RUBCNL: variants seen among roughly 807,000 people sequenced by gnomAD.
The protein encoded by RUBCNL is rubicon like autophagy enhancer, also known as protein associated with UVRAG as autophagy enhancer.
Under a neutral mutation model 69.5 loss-of-function variants are expected in RUBCNL, and 62 were observed. That is an observed-to-expected ratio of 0.89 (90% CI 0.73 to 1.10). The LOEUF (loss-of-function observed/expected upper bound fraction) is 1.10. Among genes scored for constraint, RUBCNL ranks in the 50% least tolerant of loss-of-function variants. The pLI is 0.00. For synonymous variants in RUBCNL, 291 were observed against 303.6 expected (o/e 0.96, Z 0.43); for missense variants, 768 against 798.1 (o/e 0.96, Z 0.45).
chr13:46,348,429 A>C (rs912510218), intron 12 of RUBCNL, among the ~76,000 whole-genome samples: 1 of 152,118 alleles, frequency 6.6e-6, no homozygotes, highest in African/African-American at 2.4e-5. Flanking sequence ...CATTCTTCTT[A>C]ATGAGTTAAA....
chr13:46,359,204 C>A (rs1205161850), intron 9 of RUBCNL, among the ~76,000 whole-genome samples: 2 of 151,834 alleles, frequency 1.3e-5, no homozygotes, highest in African/African-American at 4.8e-5. Context: ...CCCCTTTAAG[C>A]CTATTTAATT....
At chr13:46,384,039 C>T (rs1007250207) in intron 1 of RUBCNL, among the ~76,000 whole-genome samples, 2 of 152,160 alleles carry the variant, frequency 1.3e-5, no homozygotes, top group African/African-American at 2.4e-5. Context: ...CTTGGCAATG[C>T]TAATGACATT....
Position 46,337,831 on chromosome 13 carries a change from A to G in RUBCNL, c.*5554T>C, listed in dbSNP as rs2048113726. On this transcript the variant is annotated 3_prime_UTR_variant, in exon 15 of 15. Transcript: ENST00000429979. ...GTAAAAAGTCCAATGCAGGCACCGC[A>G]CTCCTGAGTAGTTCTATTTCAAACA... 6.6e-6 allele frequency among the ~76,000 whole-genome samples: 1 copy of G among 152,098 alleles called. No homozygotes were observed. The highest frequency in any genetic ancestry group is 2.1e-4 in the South Asian group (1 of 4,828).
intron 3 of RUBCNL, among the ~76,000 whole-genome samples, chr13:46,370,137 G>C (rs754693654): frequency 1.4e-4 from 22 of 152,176 alleles, no homozygotes; most frequent in Non-Finnish European, 2.8e-4. Context: ...GAGAAGAATC[G>C]GAACAGAGTG....
At chr13:46,358,248 G>C (rs1368329315) in intron 9 of RUBCNL, among the ~76,000 whole-genome samples, 1 of 152,196 alleles carries the variant, frequency 6.6e-6, no homozygotes, top group Non-Finnish European at 1.5e-5. Context: ...CCGTGGGGCA[G>C]AGTCAACCTC....
intron 2 of RUBCNL, among the ~76,000 whole-genome samples, chr13:46,377,473 AGGTT>A (rs1448279779): frequency 2.6e-5 from 4 of 152,338 alleles, no homozygotes; most frequent in Middle Eastern, 6.8e-3. Context: ...CATGTTGGCC[AGGTT>A]GGTCTCAAAC....
At chr13:46,349,909 C>T (rs1026235243) in intron 11 of RUBCNL, among the ~76,000 whole-genome samples, 3 of 152,042 alleles carry the variant, frequency 2.0e-5, no homozygotes, top group Non-Finnish European at 4.4e-5. Flanking sequence ...GTCTCGAACT[C>T]CTGACCTCAG....
At chr13:46,368,417 T>C (rs1248513819) in intron 4 of RUBCNL, 168 bp from the exon 5 acceptor site, 2 of 980,554 alleles carry the variant, frequency 2.0e-6, no homozygotes, top group East Asian at 1.1e-4. Context: ...ATAGCACACA[T>C]TGTCCAGAGA....
In RUBCNL at chr13:46,341,753, GAA is replaced by G. The variant is rs2048144991; in HGVS notation, c.*1630_*1631del. 1.3e-5 allele frequency among the ~76,000 whole-genome samples: 2 copies of G among 152,240 alleles called. No individual in the cohort carries two copies. The highest frequency in any genetic ancestry group is 2.9e-5 in the Non-Finnish European group (2 of 68,040). ...AAGGTTGTTTTTACTCCTTTGTCTTGAAAAGACACCACAAAAGAAGCAGGGCC... is the reference window on the plus strand; with the variant it reads ...AAGGTTGTTTTTACTCCTTTGTCTTGAAGACACCACAAAAGAAGCAGGGCC... On this transcript the variant is annotated 3_prime_UTR_variant, in exon 15 of 15. Transcript: ENST00000429979.
In RUBCNL at chr13:46,387,161, G is replaced by A. The variant is rs2049268767; in HGVS notation, c.-266C>T. On this transcript the variant is annotated 5_prime_UTR_variant, in exon 1 of 15. Coordinates refer to ENST00000429979, the MANE Select transcript of RUBCNL (RefSeq NM_025113.5). ...AGCCAAACCCGAGCGGTGGAACGCT[G>A]CGCTGGGTAAACGCCGCGCGTCGGG... is the stretch of plus-strand genomic sequence containing the variant. 4.1e-6 allele frequency: 4 copies of A among 985,268 alleles called. No homozygotes were observed. In the African/African-American group the frequency reaches 5.2e-5, roughly 13 times the overall value. The allele number at this position is 985,268 out of a possible 1,614,324, so 61.0% of individuals were successfully genotyped here. A position where few individuals can be genotyped will look rare whatever the true frequency, so the allele number is the denominator to read the frequency against.
chr13:46,348,642 T>C (rs1170464905), intron 12 of RUBCNL, among the ~76,000 whole-genome samples: 2 of 151,454 alleles, frequency 1.3e-5, no homozygotes, highest in Non-Finnish European at 2.9e-5. Flanking sequence ...TCTCGTTCTG[T>C]CTCTAGGCTG....
Position 46,372,198 on chromosome 13 carries a change from G to T in RUBCNL, c.278C>A (p.Ser93Ter). Residue 93 changes from serine (S) to a stop codon, truncating the protein, a stop_gained, in exon 3 of 15, where the codon TCG (serine) becomes TAG (stop). Coordinates refer to ENST00000429979, the MANE Select transcript of RUBCNL (RefSeq NM_025113.5). LOFTEE classifies it high-confidence loss of function. ...DAASPSGPSP[S>*]CLGDSLAETT... ...CTCTGCCAGGGAGTCCCCGAGGCAC[G>T]AAGGTGAAGGGCCTGAGGGAGAGGC... The T allele has an allele frequency of 6.2e-7, 1 of 1,614,022 alleles. No homozygotes were observed. Among genetic ancestry groups the T allele is most frequent in the South Asian group, 1.1e-5 (1 of 91,090 alleles).
intron 3 of RUBCNL, among the ~76,000 whole-genome samples, chr13:46,371,569 G>A (rs1260701322): frequency 6.6e-6 from 1 of 152,170 alleles, no homozygotes; most frequent in East Asian, 1.9e-4. Context: ...CTAGGTACTG[G>A]TGTGAAATGC....
At chr13:46,375,156 C>G (rs73480020) in intron 2 of RUBCNL, among the ~76,000 whole-genome samples, 5,687 of 152,218 alleles carry the variant, frequency 0.037, 189 homozygotes, top group East Asian at 0.098. Context: ...GTAGCATGCC[C>G]CATACCTAGA....
At position 46,339,824 on chromosome 13, in the gene RUBCNL, A is replaced by G. The variant is rs1365268553; in HGVS notation, c.*3561T>C. On this transcript the variant is annotated 3_prime_UTR_variant, in exon 15 of 15. Transcript: ENST00000429979. Reference sequence around the variant, plus strand: ...AAGTGAGCTGAGATCGCACCACTGCACTATAGCCTGGGTGACAGAGCAAGA... The same window carrying G: ...AAGTGAGCTGAGATCGCACCACTGCGCTATAGCCTGGGTGACAGAGCAAGA... Among the ~76,000 whole-genome samples the G allele has an allele frequency of 6.6e-6, 1 of 152,154 alleles. No homozygotes were observed. Among genetic ancestry groups the G allele is most frequent in the East Asian group, 1.9e-4 (1 of 5,192 alleles).
At chr13:46,348,583 G>A (rs2048300354) in intron 12 of RUBCNL, among the ~76,000 whole-genome samples, 1 of 151,364 alleles carries the variant, frequency 6.6e-6, no homozygotes. Context: ...TCTCATGGTA[G>A]TGAATAAGTC....
chr13:46,343,374 A>T lies in RUBCNL; in HGVS notation c.*11T>A. 1 of 1,611,812 alleles carries T rather than the reference A, an allele frequency of 6.2e-7. No homozygotes were observed. Among genetic ancestry groups the T allele is most frequent in the Non-Finnish European group, 8.5e-7 (1 of 1,178,872 alleles). ...CATGTTGAACAGTCTTTTTCACAGTACTCAGGGGCATCATGTTGCTGCAGA... is the reference window on the plus strand; with the variant it reads ...CATGTTGAACAGTCTTTTTCACAGTTCTCAGGGGCATCATGTTGCTGCAGA... On this transcript the variant is annotated 3_prime_UTR_variant, in exon 15 of 15. Transcript: ENST00000429979.
Position 46,365,176 on chromosome 13 carries a change from G to A in RUBCNL, c.827-1963C>T, listed in dbSNP as rs145896844. 2.9e-3 allele frequency among the ~76,000 whole-genome samples: 434 copies of A among 151,896 alleles called. 3 individuals carry two copies. Among genetic ancestry groups the A allele is most frequent in the African/African-American group, 0.01 (423 of 41,400 alleles). On this transcript the variant is annotated intron_variant, in intron 5 of 14. Transcript: ENST00000429979. ...AAATTAGCTGGGCGTGATGGTGTGC[G>A]GCTGTAATCCCAGCTATTTGGGAGG... is the stretch of plus-strand genomic sequence containing the variant.
chr13:46,347,076 C>T (rs2048261331), intron 12 of RUBCNL, among the ~76,000 whole-genome samples: 1 of 152,172 alleles, frequency 6.6e-6, no homozygotes, highest in African/African-American at 2.4e-5. Context: ...TCAATGATCC[C>T]ATCACCCAGG....
Sources: allele counts gnomAD v4.1 joint callset (sites outside exome capture counted in the v4.1 genomes callset), GRCh38; gene constraint gnomAD v4.1.1; transcripts MANE v1.5; gene names NCBI Gene and HGNC (gene_info 2026-07-23, HGNC 2026-07-21).